Variants in CIT observed in about 807,000 individuals in gnomAD.
CIT encodes the protein citron Rho-interacting kinase.
Under a neutral mutation model 272.7 loss-of-function variants are expected in CIT, and 79 were observed. The ratio of observed to expected loss-of-function variants is 0.29; its 90% CI spans 0.24 to 0.35. The LOEUF (loss-of-function observed/expected upper bound fraction) is 0.35. Ranked by LOEUF, CIT falls within the 10% of genes least tolerant of loss-of-function variation. The pLI is 1.00. For synonymous variants in CIT, 948 were observed against 995.6 expected (o/e 0.95, Z 0.90); for missense variants, 1,909 against 2,618.3 (o/e 0.73, Z 5.91).
In CIT at chr12:119,700,751, C is replaced by A. The variant is rs753645357; in HGVS notation, c.5617G>T (p.Ala1873Ser). 158 of 1,611,508 alleles carry A rather than the reference C, an allele frequency of 9.8e-5. No individual in the cohort carries two copies. Among genetic ancestry groups the A allele is most frequent in the Non-Finnish European group, 1.3e-4 (152 of 1,178,362 alleles). ...CACACTGAGCCTCACGTACCAAAGG[C>A]CAAAGGTAAGCGACTCCACTTGAGA... ...DDLKWSRLPL[A>S]FAYREPYLFV... Residue 1873 changes from alanine to serine, a missense_variant, in exon 44 of 48, where the codon GCC becomes TCC. Physicochemically the swap from Ala to Ser is moderately conservative, Grantham distance 99. Around this residue, in one of 8 missense-constraint regions of CIT, gnomAD observed 780 missense variants for 1,067.2 expected, o/e 0.73. Transcript: ENST00000392521.
chr12:119,688,871 CAT>C (rs1425106346), intron 47 of CIT, among the ~76,000 whole-genome samples: 2 of 152,228 alleles, frequency 1.3e-5, no homozygotes, highest in African/African-American at 2.4e-5. Flanking sequence ...TATATATACA[CAT>C]GTGTGGGCTG....
chr12:119,741,449 A>G (rs1199486756), intron 24 of CIT, among the ~76,000 whole-genome samples: 2 of 152,256 alleles, frequency 1.3e-5, no homozygotes, highest in African/African-American at 4.8e-5. Flanking sequence ...TAAAAATTTT[A>G]TTGAGCTGTA....
chr12:119,730,973 C>T (rs555571223), intron 26 of CIT, among the ~76,000 whole-genome samples: 3 of 151,734 alleles, frequency 2.0e-5, no homozygotes, highest in Non-Finnish European at 4.4e-5. Context: ...ACTAAAAATA[C>T]AAAATTAGCT....
intron 13 of CIT, among the ~76,000 whole-genome samples, chr12:119,780,293 G>T (rs767905242): frequency 5.3e-4 from 81 of 152,216 alleles, no homozygotes; most frequent in Admixed American, 1.8e-3. Flanking sequence ...TCTAGAGGGG[G>T]TAGCTAGGTG....
In CIT at chr12:119,799,350, G is replaced by A. The variant is rs536983907; in HGVS notation, c.1295+3856C>T. ...TTTCATCCATCCCCGCAAAAGTCCT[G>A]TAAGAAAAGTATCGCTGTCCTTCCA... On this transcript the variant is annotated intron_variant, in intron 10 of 47. Coordinates refer to ENST00000392521, the MANE Select transcript of CIT (RefSeq NM_001206999.2). 2.0e-5 allele frequency among the ~76,000 whole-genome samples: 3 copies of A among 152,308 alleles called. No individual in the cohort carries two copies. In the South Asian group the frequency reaches 6.2e-4, roughly 32 times the overall value.
chr12:119,798,546 G>T (rs1001153955), intron 10 of CIT, among the ~76,000 whole-genome samples: 2 of 152,152 alleles, frequency 1.3e-5, no homozygotes, highest in African/African-American at 4.8e-5. Context: ...TGCCCTGTAA[G>T]GATGGGCTGT....
intron 41 of CIT, among the ~76,000 whole-genome samples, chr12:119,703,387 A>G (rs1956695198): frequency 6.6e-6 from 1 of 151,330 alleles, no homozygotes; most frequent in Non-Finnish European, 1.5e-5. Context: ...TCTAACAGGT[A>G]ATGACCCTTA....
At chr12:119,764,827 GAC>G (rs1236613652) in intron 19 of CIT, among the ~76,000 whole-genome samples, 2 of 151,670 alleles carry the variant, frequency 1.3e-5, no homozygotes, top group African/African-American at 4.8e-5. Context: ...TCTTTTTTGA[GAC>G]AGAGTCTCAC....
At chr12:119,797,225 A>G (rs1487525079) in intron 10 of CIT, among the ~76,000 whole-genome samples, 1 of 152,236 alleles carries the variant, frequency 6.6e-6, no homozygotes, top group Non-Finnish European at 1.5e-5. Flanking sequence ...CACACTTGAC[A>G]GATCTTCTGG....
Position 119,784,883 on chromosome 12 carries a change from C to T in CIT, c.1401+77G>A, listed in dbSNP as rs140863118. 9.6e-6 allele frequency: 15 copies of T among 1,560,218 alleles called. No homozygotes were observed. In the Admixed American group the frequency reaches 2.9e-4, roughly 30 times the overall value. ...TCAGGCGGCTCAGAGCCAGCAGCGGCCCCGGGCGGATCCCTTGGCATATAC... is the reference window on the plus strand; with the variant it reads ...TCAGGCGGCTCAGAGCCAGCAGCGGTCCCGGGCGGATCCCTTGGCATATAC... On this transcript the variant is annotated intron_variant, in intron 11 of 47. Coordinates refer to ENST00000392521, the MANE Select transcript of CIT (RefSeq NM_001206999.2). The surrounding 1 kb of genome is among the most constrained non-coding windows in gnomAD (Gnocchi z 4.7).
rs203345 is a variant in CIT, at chr12:119,795,469, C to T, written c.1295+7737G>A. Among the ~76,000 whole-genome samples, 1,260 of 152,248 alleles carry T rather than the reference C, an allele frequency of 8.3e-3. 18 individuals are homozygous for T. The highest frequency in any genetic ancestry group is 0.029 in the African/African-American group (1,195 of 41,540). ...TGAGCTGAGTGAACCTAAGAAGTAA[C>T]CCAAGCATCATGATCATCATTTTCT... On this transcript the variant is annotated intron_variant, in intron 10 of 47. Transcript: ENST00000392521.
rs1277111591 is a variant in CIT, at chr12:119,686,393, G to C, written c.*1839C>G. On this transcript the variant is annotated 3_prime_UTR_variant, in exon 48 of 48. Coordinates refer to ENST00000392521, the MANE Select transcript of CIT (RefSeq NM_001206999.2). ...TCTGCCCTGGGGACGGGAGGGGAGG[G>C]AGTACGACCCCACAGACTCCAAGCA... 1 of 152,162 alleles carries C rather than the reference G, an allele frequency of 6.6e-6. No homozygotes were observed. The highest frequency in any genetic ancestry group is 2.4e-5 in the African/African-American group (1 of 41,406). The allele number at this position is 152,162 out of a possible 1,614,324, so 9.4% of individuals were successfully genotyped here. A position where few individuals can be genotyped will look rare whatever the true frequency, so the allele number is the denominator to read the frequency against.
intron 37 of CIT, among the ~76,000 whole-genome samples, chr12:119,711,757 C>T (rs370304033): frequency 1.4e-4 from 21 of 152,252 alleles, no homozygotes; most frequent in South Asian, 2.1e-4. Flanking sequence ...CTGGGCAATC[C>T]GCCGGCCTCA....
At position 119,784,947 on chromosome 12, in the gene CIT, C is replaced by T. The variant is rs372520987; in HGVS notation, c.1401+13G>A. The T allele has an allele frequency of 1.1e-5, 17 of 1,613,818 alleles. No individual in the cohort carries two copies. In the East Asian group the frequency reaches 1.6e-4, roughly 15 times the overall value. ...CTGGAGCAAGGAAGGAGGCCGGCTG[C>T]GGAAATAAATACCTTGTGACACTTG... On this transcript the variant is annotated intron_variant, in intron 11 of 47. Transcript: ENST00000392521. The surrounding 1 kb of genome is among the most constrained non-coding windows in gnomAD (Gnocchi z 4.7).
At chr12:119,863,463 A>G (rs1009520436) in intron 3 of CIT, among the ~76,000 whole-genome samples, 7 of 152,230 alleles carry the variant, frequency 4.6e-5, no homozygotes, top group Admixed American at 4.6e-4. Flanking sequence ...CCCCAAGACA[A>G]GTTTACCTAC....
chr12:119,759,703 G>T (rs930684684), intron 20 of CIT, among the ~76,000 whole-genome samples: 1 of 151,996 alleles, frequency 6.6e-6, no homozygotes, highest in Non-Finnish European at 1.5e-5. Flanking sequence ...AGTCTGAGGT[G>T]GTACGGTTTT....
intron 46 of CIT, among the ~76,000 whole-genome samples, chr12:119,691,960 C>T (rs1206177782): frequency 6.6e-6 from 1 of 152,178 alleles, no homozygotes; most frequent in Non-Finnish European, 1.5e-5. Context: ...GGAATATAAA[C>T]TTATTTTATG....
rs147027368 is a variant in CIT, at chr12:119,700,762, C to A, written c.5606G>T (p.Arg1869Leu). ...TCACGTACCAAAGGCCAAAGGTAAG[C>A]GACTCCACTTGAGATCGTCTGTGCG... The part of the protein sequence containing the change: ...RSRTDDLKWS[R>L]LPLAFAYREP... Residue 1869 changes from arginine (R) to leucine (L), a missense_variant, in exon 44 of 48, where the codon CGC becomes CTC. Coordinates refer to ENST00000392521, the MANE Select transcript of CIT (RefSeq NM_001206999.2). The A allele has an allele frequency of 6.2e-7, 1 of 1,613,916 alleles. No homozygotes were observed. The highest frequency in any genetic ancestry group is 1.1e-5 in the South Asian group (1 of 91,076).
intron 5 of CIT, among the ~76,000 whole-genome samples, chr12:119,846,575 A>G (rs1769746450): frequency 6.6e-6 from 1 of 152,124 alleles, no homozygotes; most frequent in Non-Finnish European, 1.5e-5. Flanking sequence ...TTCACAAGCT[A>G]GTGTTCTAAA....
Sources: gnomAD v4.1 joint callset for allele counts (sites outside exome capture counted in the v4.1 genomes callset) on GRCh38, gnomAD v4.1.1 for gene constraint, gnomAD v4.1.1 regional missense constraint, Gnocchi (gnomAD v3.1) non-coding constraint, MANE v1.5 for transcripts, NCBI Gene and HGNC (gene_info 2026-07-23, HGNC 2026-07-21) for gene names.